Variants in RANBP2 observed in about 807,000 individuals in gnomAD.
The protein encoded by RANBP2 is RAN binding protein 2.
Under a neutral mutation model 303.6 loss-of-function variants are expected in RANBP2, and 57 were observed. The ratio of observed to expected loss-of-function variants is 0.19; its 90% CI spans 0.15 to 0.23. The LOEUF (loss-of-function observed/expected upper bound fraction) is 0.23. Ranked by LOEUF, RANBP2 falls within the 10% of genes least tolerant of loss-of-function variation. RANBP2 has a pLI of 1.00. For missense variants in RANBP2, 3,138 were observed against 3,780.8 expected (o/e 0.83, Z 4.46); for synonymous variants, 1,167 against 1,301.5 (o/e 0.90, Z 2.23).
rs776219214 is a variant in RANBP2 at position 108,751,411 on chromosome 2, A to T, written c.1421A>T (p.Asn474Ile). The T allele has an allele frequency of 1.9e-6, 3 of 1,612,026 alleles. No homozygotes were observed. Among genetic ancestry groups the T allele is most frequent in the Non-Finnish European group, 1.7e-6 (2 of 1,179,846 alleles). The stretch of plus-strand genomic sequence containing the variant: ...CATGAAACCTCAAGGCTTGAAACAA[A>T]TGCACCTGAATCAATATGTATTTTA... ...LPHETSRLETNAPESICILDL... is the reference protein window; with the variant it reads ...LPHETSRLETIAPESICILDL... Residue 474 changes from asparagine (N) to isoleucine (I), a missense_variant, in exon 10 of 29, where the codon AAT (asparagine) becomes ATT (isoleucine). By Grantham distance (149) the Asn-to-Ile change is moderately radical. This residue lies in a region of RANBP2 where 162 missense variants were observed against 286.9 expected (regional missense o/e 0.56). Coordinates refer to ENST00000283195, the MANE Select transcript of RANBP2 (RefSeq NM_006267.5).
chr2:109,555,078 T>A, the RANBP2 span, among the ~76,000 whole-genome samples: 1 of 152,210 alleles, frequency 6.6e-6, no homozygotes, highest in African/African-American at 2.4e-5. Flanking sequence ...TCCTAATTCA[T>A]CTCTGAGCTT....
the RANBP2 span, among the ~76,000 whole-genome samples, chr2:109,080,022 C>G: frequency 1.3e-5 from 2 of 152,288 alleles, no homozygotes; most frequent in South Asian, 4.1e-4. Flanking sequence ...ATGGAATACC[C>G]GGAATAGGGC....
the RANBP2 span, among the ~76,000 whole-genome samples, chr2:109,189,223 G>T: frequency 1.3e-5 from 2 of 151,982 alleles, no homozygotes; most frequent in Non-Finnish European, 2.9e-5. Context: ...AGGCTCTGGT[G>T]TGTTCAGAAG....
the RANBP2 span, among the ~76,000 whole-genome samples, chr2:108,799,787 T>G: frequency 1.3e-5 from 2 of 152,178 alleles, no homozygotes; most frequent in Non-Finnish European, 2.9e-5. Flanking sequence ...CAAAGATTTC[T>G]GAGGCTCCAT....
the RANBP2 span, among the ~76,000 whole-genome samples, chr2:109,730,830 C>CCAGGCT: frequency 7.0e-6 from 1 of 141,914 alleles, no homozygotes; most frequent in Non-Finnish European, 1.5e-5. Context: ...CTCTTGTTGC[C>CCAGGCT]CAGGCTGGAG....
chr2:109,302,212 T>C, the RANBP2 span, among the ~76,000 whole-genome samples: 2 of 152,332 alleles, frequency 1.3e-5, no homozygotes, highest in East Asian at 3.9e-4. Context: ...ACATGCAATT[T>C]GTGGTGTGTG....
the RANBP2 span, among the ~76,000 whole-genome samples, chr2:109,107,307 G>A: frequency 1.3e-5 from 2 of 150,944 alleles, no homozygotes; most frequent in South Asian, 2.1e-4. Context: ...TGACCCACAC[G>A]CTCAGGGATA....
chr2:109,154,951 G>A, the RANBP2 span, among the ~76,000 whole-genome samples: 9 of 152,186 alleles, frequency 5.9e-5, no homozygotes, highest in Non-Finnish European at 1.3e-4. Context: ...GTCAAAAGAG[G>A]CTTTCCAGAT....
chr2:108,735,578 T>C lies in RANBP2; in HGVS notation c.452T>C (p.Phe151Ser). ...GGTGAAGATGGATGGAATAAACTTT[T>C]TGACTTGATTCAGTCAGAACTTTAT... ...CEGEDGWNKL[F>S]DLIQSELYVR... Residue 151 changes from phenylalanine to serine, a missense_variant, in exon 5 of 29, where the codon TTT (phenylalanine) becomes TCT (serine). Phe to Ser is a radical substitution (Grantham distance 155). Around this residue, in one of 20 missense-constraint regions of RANBP2, gnomAD observed 306 missense variants for 381.9 expected, o/e 0.80. Coordinates refer to ENST00000283195, the MANE Select transcript of RANBP2 (RefSeq NM_006267.5). 6.3e-7 allele frequency: 1 copy of C among 1,597,618 alleles called. No homozygotes were observed. The highest frequency in any genetic ancestry group is 8.5e-7 in the Non-Finnish European group (1 of 1,179,790).
chr2:109,712,110 C>T, the RANBP2 span, among the ~76,000 whole-genome samples: 4 of 152,190 alleles, frequency 2.6e-5, no homozygotes, highest in Non-Finnish European at 4.4e-5. Context: ...CTGGATTTTT[C>T]TTTCCTCTTC....
chr2:109,322,408 G>A, the RANBP2 span, among the ~76,000 whole-genome samples: 4 of 152,194 alleles, frequency 2.6e-5, no homozygotes, highest in Non-Finnish European at 4.4e-5. Flanking sequence ...AGGAATCCAG[G>A]AGCCTGAACT....
chr2:109,671,807 G>GT, the RANBP2 span, among the ~76,000 whole-genome samples: 1 of 149,582 alleles, frequency 6.7e-6, no homozygotes, highest in Non-Finnish European at 1.5e-5. Context: ...CTTTTTGCTT[G>GT]TTTTTTTGTT....
At chr2:109,157,116 C>G in the RANBP2 span, among the ~76,000 whole-genome samples, 1 of 152,154 alleles carries the variant, frequency 6.6e-6, no homozygotes. Context: ...ACAGGACCTT[C>G]TTAGGTTTTA....
At chr2:108,908,101 A>T in the RANBP2 span, 1 of 1,461,398 alleles carries the variant, frequency 6.8e-7, no homozygotes, top group African/African-American at 1.4e-5. Flanking sequence ...GAACTTGTCC[A>T]TTGCCCAGCT....
At chr2:109,177,158 A>G in the RANBP2 span, among the ~76,000 whole-genome samples, 1 of 152,220 alleles carries the variant, frequency 6.6e-6, no homozygotes, top group African/African-American at 2.4e-5. Flanking sequence ...TTTTCTTTAC[A>G]GACACACTCA....
the RANBP2 span, among the ~76,000 whole-genome samples, chr2:109,108,269 G>A: frequency 6.6e-6 from 1 of 152,150 alleles, no homozygotes; most frequent in Non-Finnish European, 1.5e-5. Flanking sequence ...TTGATCTCTT[G>A]ACCTCGTTAT....
Position 108,751,331 on chromosome 2 carries a change from G to C in RANBP2, c.1341G>C (p.Leu447Phe). The part of the protein sequence containing the change: ...LTWLGLQWNS[L>F]PALPGIRKWL... The stretch of plus-strand genomic sequence containing the variant: ...GGCTTGGCTTACAGTGGAATTCATT[G>C]CCTGCTTTACCTGGAATCCGAAAAT... Residue 447 changes from leucine to phenylalanine, a missense_variant, in exon 10 of 29, where the codon TTG becomes TTC. Leu to Phe is a conservative substitution (Grantham distance 22). Coordinates refer to ENST00000283195, the MANE Select transcript of RANBP2 (RefSeq NM_006267.5). 1 of 1,611,864 alleles carries C rather than the reference G, an allele frequency of 6.2e-7. No homozygotes were observed.
the RANBP2 span, among the ~76,000 whole-genome samples, chr2:109,527,732 C>CA: frequency 6.6e-6 from 1 of 151,990 alleles, no homozygotes; most frequent in Non-Finnish European, 1.5e-5. Context: ...AAAATTATTT[C>CA]AAAATAAAAG....
the RANBP2 span, among the ~76,000 whole-genome samples, chr2:109,581,565 T>C: frequency 1.3e-5 from 2 of 151,580 alleles, no homozygotes; most frequent in African/African-American, 4.8e-5. Flanking sequence ...GTGGCTCCTC[T>C]GGGGGAAGAA....
Sources: allele counts gnomAD v4.1 joint callset (sites outside exome capture counted in the v4.1 genomes callset), GRCh38; gene constraint gnomAD v4.1.1; regional missense constraint gnomAD v4.1.1; transcripts MANE v1.5; gene names NCBI Gene and HGNC (gene_info 2026-07-23, HGNC 2026-07-21).